TOM1L2: variants seen among roughly 807,000 people sequenced by gnomAD.
The protein encoded by TOM1L2 is target of myb1 like 2 membrane trafficking protein.
Under a neutral mutation model 67.9 loss-of-function variants are expected in TOM1L2, and 31 were observed. That is an observed-to-expected ratio of 0.46 (90% CI 0.34 to 0.62). The LOEUF is 0.62. TOM1L2 is among the 20% of genes least tolerant of loss of function. The pLI is 0.01. For synonymous variants in TOM1L2, 256 were observed against 254.0 expected (o/e 1.01, Z -0.07); for missense variants, 606 against 663.5 (o/e 0.91, Z 0.95).
intron 1 of TOM1L2, among the ~76,000 whole-genome samples, chr17:17,930,373 G>T (rs1172444548): frequency 6.6e-6 from 1 of 152,100 alleles, no homozygotes; most frequent in African/African-American, 2.4e-5. Context: ...AAAAAGGGGG[G>T]TCTGGGAATG....
intron 1 of TOM1L2, among the ~76,000 whole-genome samples, chr17:17,955,416 T>A (rs953914632): frequency 7.1e-6 from 1 of 140,354 alleles, no homozygotes; most frequent in Non-Finnish European, 1.5e-5. Flanking sequence ...TCTGCTCACC[T>A]CAATCTCTGC....
chr17:17,869,636 A>C, intron 7 of TOM1L2, 163 bp from the exon 8 acceptor site: 1 of 1,399,180 alleles, frequency 7.1e-7, no homozygotes, highest in Non-Finnish European at 9.3e-7. Flanking sequence ...TTCCCTCTTC[A>C]CTGCCTGCCC....
At chr17:17,887,590 T>C (rs561760918) in intron 4 of TOM1L2, among the ~76,000 whole-genome samples, 1 of 152,278 alleles carries the variant, frequency 6.6e-6, no homozygotes, top group Admixed American at 6.5e-5. Flanking sequence ...ATCCTCCCAC[T>C]TTAGCCTCCA....
chr17:17,862,070 A>G (rs1404451392), intron 11 of TOM1L2: 1 of 153,996 alleles, frequency 6.5e-6, no homozygotes, highest in Non-Finnish European at 1.4e-5. Flanking sequence ...GGTACATGGG[A>G]CCTTGGGTTT....
intron 12 of TOM1L2, among the ~76,000 whole-genome samples, chr17:17,856,937 T>A (rs1490385168): frequency 6.6e-6 from 1 of 152,228 alleles, no homozygotes; most frequent in African/African-American, 2.4e-5. Context: ...GTTTTCTTTT[T>A]ACTCTGTTTC....
At chr17:17,958,124 A>G (rs1159492664) in intron 1 of TOM1L2, among the ~76,000 whole-genome samples, 2 of 151,932 alleles carry the variant, frequency 1.3e-5, no homozygotes, top group Non-Finnish European at 2.9e-5. Context: ...ACTAAAAGCC[A>G]CTTTGATTTG....
intron 7 of TOM1L2, among the ~76,000 whole-genome samples, chr17:17,872,923 C>T (rs1256034662): frequency 2.0e-5 from 3 of 152,186 alleles, no homozygotes; most frequent in African/African-American, 4.8e-5. Context: ...AGGCACAGGA[C>T]GTGCAAGTCA....
chr17:17,912,323 GGC>G (rs1376376303), intron 1 of TOM1L2, among the ~76,000 whole-genome samples: 1 of 150,438 alleles, frequency 6.6e-6, no homozygotes, highest in African/African-American at 2.5e-5. Context: ...GTGGCTGCCG[GGC>G]GGAGACGCTC....
intron 4 of TOM1L2, among the ~76,000 whole-genome samples, chr17:17,886,556 A>G (rs1009406113): frequency 1.3e-5 from 2 of 152,256 alleles, no homozygotes; most frequent in South Asian, 4.1e-4. Context: ...ATTTTAGTTT[A>G]GGGTGTTGAC....
intron 13 of TOM1L2, 73 bp from the exon 14 acceptor site, chr17:17,848,932 C>A (rs1347424018): frequency 1.8e-5 from 28 of 1,516,396 alleles, no homozygotes; most frequent in Non-Finnish European, 2.3e-5. Context: ...CTCTGTCTGC[C>A]CATGGCCACC....
intron 1 of TOM1L2, among the ~76,000 whole-genome samples, chr17:17,956,917 C>T (rs910462984): frequency 6.6e-6 from 1 of 152,354 alleles, no homozygotes; most frequent in African/African-American, 2.4e-5. Flanking sequence ...GAGGGGTTCT[C>T]ACAGTGCAGC....
chr17:17,912,458 C>A (rs890520691), intron 1 of TOM1L2, among the ~76,000 whole-genome samples: 10 of 151,578 alleles, frequency 6.6e-5, no homozygotes, highest in African/African-American at 2.4e-4. Context: ...AGGGTCTCCT[C>A]ACTTCTCAGA....
At chr17:17,850,841 G>C in intron 13 of TOM1L2, 52 bp downstream of exon 13, 1 of 1,597,066 alleles carries the variant, frequency 6.3e-7, no homozygotes, top group Non-Finnish European at 8.6e-7. Context: ...GTCCTCAGAA[G>C]AGCCTCTGCC....
chr17:17,930,737 C>A (rs919102818), intron 1 of TOM1L2, among the ~76,000 whole-genome samples: 4 of 152,002 alleles, frequency 2.6e-5, no homozygotes, highest in Non-Finnish European at 5.9e-5. Context: ...AGGCTGAAAA[C>A]CAAATGGAAT....
At chr17:17,959,174 C>T (rs2041589176) in intron 1 of TOM1L2, among the ~76,000 whole-genome samples, 1 of 152,130 alleles carries the variant, frequency 6.6e-6, no homozygotes, top group Non-Finnish European at 1.5e-5. Flanking sequence ...CACGGGAATC[C>T]CCAATTTATA....
At chr17:17,885,715 G>T (rs527654569) in intron 4 of TOM1L2, among the ~76,000 whole-genome samples, 2 of 152,132 alleles carry the variant, frequency 1.3e-5, no homozygotes, top group South Asian at 4.1e-4. Flanking sequence ...ACGAGGTCAG[G>T]AGATCAAGAC....
At chr17:17,930,804 C>T (rs534307863) in intron 1 of TOM1L2, among the ~76,000 whole-genome samples, 12 of 152,256 alleles carry the variant, frequency 7.9e-5, no homozygotes, top group African/African-American at 2.6e-4. Context: ...TGCAACTAGA[C>T]ACTAATTAGG....
chr17:17,862,734 T>G lies in TOM1L2; in HGVS notation c.1199A>C (p.Lys400Thr). 6.2e-7 allele frequency: 1 copy of G among 1,613,110 alleles called. No individual in the cohort carries two copies. The highest frequency in any genetic ancestry group is 8.5e-7 in the Non-Finnish European group (1 of 1,179,932). Reference protein sequence around the residue: ...TRGNSLAEQRKTVTYEDPQAV... With the variant: ...TRGNSLAEQRTTVTYEDPQAV... ...CACTAAAAGGGGCCCCACATACGTC[T>G]TGCGCTGCTCAGCCAAGGAGTTTCC... Residue 400 changes from lysine (K) to threonine (T), a missense_variant, in exon 11 of 15, where the codon AAG (lysine) becomes ACG (threonine). Lys to Thr is a moderately conservative substitution (Grantham distance 78). Coordinates refer to ENST00000379504, the MANE Select transcript of TOM1L2 (RefSeq NM_001082968.2).
chr17:17,953,939 G>T (rs1423430577), intron 1 of TOM1L2, among the ~76,000 whole-genome samples: 1 of 152,228 alleles, frequency 6.6e-6, no homozygotes, highest in Non-Finnish European at 1.5e-5. Flanking sequence ...TGTACAGTTA[G>T]CCACTCTCAG....
Sources: allele counts gnomAD v4.1 joint callset (sites outside exome capture counted in the v4.1 genomes callset), GRCh38; gene constraint gnomAD v4.1.1; transcripts MANE v1.5; gene names NCBI Gene and HGNC (gene_info 2026-07-23, HGNC 2026-07-21).